Variants in MAN2A1 observed in about 807,000 individuals in gnomAD.
The protein encoded by MAN2A1 is mannosidase alpha class 2A member 1, also known as alpha-mannosidase 2.
In MAN2A1, 76 loss-of-function variants were observed where a neutral mutation model predicts 142.6. That is an observed-to-expected ratio of 0.53 (90% CI 0.44 to 0.65). The LOEUF is 0.65. Among genes scored for constraint, MAN2A1 ranks in the 30% least tolerant of loss-of-function variants. MAN2A1 has a pLI of 0.00. For synonymous variants in MAN2A1, 559 were observed against 473.2 expected, an observed-to-expected ratio of 1.18 and a Z score of -2.35; for missense variants, 1,311 against 1,365.1, an observed-to-expected ratio of 0.96 and a Z score of 0.62.
intron 7 of MAN2A1, among the ~76,000 whole-genome samples, chr5:109,771,193 A>G (rs1487474325): frequency 6.6e-6 from 1 of 152,232 alleles, no homozygotes; most frequent in Non-Finnish European, 1.5e-5. Context: ...TGGTACTTTT[A>G]AAGTTTAATT....
intron 4 of MAN2A1, among the ~76,000 whole-genome samples, chr5:109,744,900 T>C (rs545830984): frequency 6.6e-6 from 1 of 152,208 alleles, no homozygotes; most frequent in East Asian, 1.9e-4. Context: ...TTGTTGTATA[T>C]TCATACAACA....
In MAN2A1 at chr5:109,784,035, TAG is replaced by T. The variant is rs375613471; in HGVS notation, c.1578-706_1578-705del. Among the ~76,000 whole-genome samples the T allele has an allele frequency of 1.9e-3, 285 of 152,154 alleles. 3 individuals carry two copies. Among genetic ancestry groups the T allele is most frequent in the African/African-American group, 6.5e-3 (271 of 41,514 alleles). The stretch of plus-strand genomic sequence containing the variant: ...TGCATGTCACTACACCTGGCTAAGA[TAG>T]AGTCTCTCTATGTTGTCCAGGCTGG... On this transcript the variant is annotated intron_variant, in intron 9 of 21. Transcript: ENST00000261483.
intron 1 of MAN2A1, among the ~76,000 whole-genome samples, chr5:109,691,671 A>C (rs1750676838): frequency 6.6e-6 from 1 of 152,254 alleles, no homozygotes; most frequent in Admixed American, 6.5e-5. Flanking sequence ...TGAAAGTGAA[A>C]AAAGACCCTT....
chr5:109,774,500 A>G (rs189830913), intron 7 of MAN2A1, among the ~76,000 whole-genome samples: 3 of 152,118 alleles, frequency 2.0e-5, no homozygotes, highest in African/African-American at 7.2e-5. Context: ...TTATATGCCA[A>G]GTTGGTACAT....
At chr5:109,770,609 A>C in intron 7 of MAN2A1, 68 bp downstream of exon 7, 2 of 1,407,536 alleles carry the variant, frequency 1.4e-6, no homozygotes, top group Non-Finnish European at 2.0e-6. Flanking sequence ...TAGTTGCTGA[A>C]GGGTTGAACA....
At chr5:109,754,037 T>C (rs766923128) in intron 4 of MAN2A1, among the ~76,000 whole-genome samples, 1 of 151,864 alleles carries the variant, frequency 6.6e-6, no homozygotes, top group Non-Finnish European at 1.5e-5. Flanking sequence ...GCCTTCCAAG[T>C]AGCTGGGACT....
chr5:109,738,328 A>G (rs1438725671), intron 4 of MAN2A1, among the ~76,000 whole-genome samples: 2 of 148,960 alleles, frequency 1.3e-5, no homozygotes, highest in East Asian at 4.0e-4. Context: ...AACGTCTACT[A>G]TGGGACAGGG....
intron 5 of MAN2A1, among the ~76,000 whole-genome samples, chr5:109,760,370 A>G (rs1451433061): frequency 6.6e-6 from 1 of 151,924 alleles, no homozygotes; most frequent in Non-Finnish European, 1.5e-5. Flanking sequence ...TATTTTCTTT[A>G]TCCAGTTTAT....
intron 1 of MAN2A1, among the ~76,000 whole-genome samples, chr5:109,702,008 G>A (rs999273349): frequency 3.3e-5 from 5 of 152,182 alleles, no homozygotes; most frequent in East Asian, 3.9e-4. Flanking sequence ...CAGCATAGCC[G>A]AGAATGAATG....
intron 4 of MAN2A1, among the ~76,000 whole-genome samples, chr5:109,737,868 C>T (rs888372027): frequency 6.6e-6 from 1 of 152,046 alleles, no homozygotes; most frequent in African/African-American, 2.4e-5. Flanking sequence ...AGTATAGATT[C>T]GAGTTATTAC....
intron 15 of MAN2A1, among the ~76,000 whole-genome samples, chr5:109,821,337 T>C (rs537148206): frequency 1.3e-5 from 2 of 152,302 alleles, no homozygotes; most frequent in African/African-American, 2.4e-5. Context: ...ATATTCTTTT[T>C]CTCCCGATTC....
intron 4 of MAN2A1, among the ~76,000 whole-genome samples, chr5:109,738,234 T>G (rs1445792673): frequency 3.0e-4 from 12 of 39,356 alleles, no homozygotes; most frequent in Admixed American, 1.2e-3. Context: ...GTATTTTATG[T>G]TTTTTTTTTT....
chr5:109,820,106 C>A, intron 14 of MAN2A1, 114 bp from the exon 15 acceptor site: 1 of 962,216 alleles, frequency 1.0e-6, no homozygotes, highest in Non-Finnish European at 1.5e-6. Flanking sequence ...TGTCACTGGT[C>A]CACCAGATAA....
At chr5:109,743,873 A>T (rs1752334206) in intron 4 of MAN2A1, among the ~76,000 whole-genome samples, 1 of 152,156 alleles carries the variant, frequency 6.6e-6, no homozygotes, top group African/African-American at 2.4e-5. Flanking sequence ...TGCCTGACAC[A>T]TACTGACTTT....
chr5:109,823,676 G>T, intron 15 of MAN2A1, 47 bp from the exon 16 acceptor site: 1 of 974,036 alleles, frequency 1.0e-6, no homozygotes, highest in Admixed American at 1.8e-5. Context: ...TCTTTTAAAA[G>T]TTTGGAAGCC....
At chr5:109,810,797 ATTT>A (rs1160879208) in intron 12 of MAN2A1, among the ~76,000 whole-genome samples, 1 of 151,998 alleles carries the variant, frequency 6.6e-6, no homozygotes, top group Non-Finnish European at 1.5e-5. Flanking sequence ...AATGATTATT[ATTT>A]TTTATCTGGC....
intron 4 of MAN2A1, among the ~76,000 whole-genome samples, chr5:109,738,178 G>GTACTTA (rs1752159131): frequency 6.7e-6 from 1 of 149,212 alleles, no homozygotes; most frequent in Admixed American, 6.7e-5. Flanking sequence ...AGAACTGACT[G>GTACTTA]TACTTATTTT....
At position 109,803,096 on chromosome 5, in the gene MAN2A1, C is replaced by A. The variant is rs147276375; in HGVS notation, c.1943+13569C>A. 5.4e-3 allele frequency among the ~76,000 whole-genome samples: 817 copies of A among 152,074 alleles called. 3 individuals are homozygous for A. The highest frequency in any genetic ancestry group is 0.019 in the African/African-American group (796 of 41,534). On this transcript the variant is annotated intron_variant, in intron 12 of 21. Transcript: ENST00000261483. ...TAACAGCATAGGATTTTAAATCATTCTTTTCTTCAATTTCACATGAACTTT... is the reference window on the plus strand; with the variant it reads ...TAACAGCATAGGATTTTAAATCATTATTTTCTTCAATTTCACATGAACTTT...
intron 12 of MAN2A1, among the ~76,000 whole-genome samples, chr5:109,797,447 T>C (rs572243444): frequency 5.9e-4 from 90 of 152,058 alleles, no homozygotes; most frequent in African/African-American, 2.0e-3. Flanking sequence ...CTAGTGATGC[T>C]GAAGAGTAAA....
Sources: gnomAD v4.1 joint callset for allele counts (sites outside exome capture counted in the v4.1 genomes callset) on GRCh38, gnomAD v4.1.1 for gene constraint, MANE v1.5 for transcripts, NCBI Gene and HGNC (gene_info 2026-07-23, HGNC 2026-07-21) for gene names.